Variants in COMMD1 observed in about 807,000 individuals in gnomAD.
The protein encoded by COMMD1 is COMM domain-containing protein 1.
A neutral mutation model predicts 17.2 loss-of-function variants in COMMD1; 10 were observed. The ratio of observed to expected loss-of-function variants is 0.58; its 90% confidence interval spans 0.36 to 0.99. The LOEUF is 0.99. Among genes scored for constraint, COMMD1 ranks in the 50% least tolerant of loss-of-function variants. COMMD1 has a pLI of 0.01. For synonymous variants in COMMD1, 97 were observed against 91.6 expected (o/e 1.06, Z -0.34); for missense variants, 270 against 231.8 (o/e 1.17, Z -1.07).
At chr2:61,923,807 C>T (rs1012752028) in intron 1 of COMMD1, among the ~76,000 whole-genome samples, 8 of 152,124 alleles carry the variant, frequency 5.3e-5, no homozygotes, top group Non-Finnish European at 1.0e-4. Context: ...CAAGGTCTGG[C>T]TCTATTGCCC....
At chr2:61,904,930 T>C (rs756552201), upstream of COMMD1, among the ~76,000 whole-genome samples, 7 of 152,238 alleles carry the variant, frequency 4.6e-5, no homozygotes, top group Non-Finnish European at 7.3e-5. Context: ...TAAATGGATG[T>C]CCAATATTTG....
At chr2:62,120,996 G>T (rs981804495) in intron 2 of COMMD1, among the ~76,000 whole-genome samples, 1 of 151,852 alleles carries the variant, frequency 6.6e-6, no homozygotes, top group African/African-American at 2.4e-5. Context: ...TACACACCTT[G>T]GCCTCCCAAA....
intron 2 of COMMD1, among the ~76,000 whole-genome samples, chr2:62,049,144 A>G (rs1670468060): frequency 6.6e-6 from 1 of 151,826 alleles, no homozygotes; most frequent in African/African-American, 2.4e-5. Flanking sequence ...TGGTATCTAC[A>G]TATTTTAACC....
chr2:61,950,176 T>C (rs1317400311), intron 1 of COMMD1, among the ~76,000 whole-genome samples: 1 of 152,090 alleles, frequency 6.6e-6, no homozygotes, highest in Non-Finnish European at 1.5e-5. Context: ...CCCCGAGATT[T>C]AGGGTCTGAC....
chr2:62,095,735 C>G (rs1671982547), intron 2 of COMMD1, among the ~76,000 whole-genome samples: 1 of 139,544 alleles, frequency 7.2e-6, no homozygotes, highest in African/African-American at 2.8e-5. Flanking sequence ...AAAGGATAAT[C>G]ACCAGATCAG....
chr2:62,072,005 T>A lies in COMMD1; in HGVS notation c.463-63826T>A, dbSNP rs564703228. 3.0e-4 allele frequency among the ~76,000 whole-genome samples: 46 copies of A among 152,176 alleles called. 1 individual carries two copies. The highest frequency in any genetic ancestry group is 9.9e-4 in the African/African-American group (41 of 41,540). ...AATCTTGTTAAATTGTTTTTTTTTT[T>A]AATTAACCCAGTATAATGTGGCTTA... On this transcript the variant is annotated intron_variant, in intron 2 of 2. Coordinates refer to ENST00000311832, the MANE Select transcript of COMMD1 (RefSeq NM_152516.4).
At chr2:61,929,464 C>A (rs1670409211) in intron 1 of COMMD1, among the ~76,000 whole-genome samples, 1 of 152,190 alleles carries the variant, frequency 6.6e-6, no homozygotes, top group African/African-American at 2.4e-5. Flanking sequence ...AGAGTCTCAG[C>A]AAATGGGCCT....
intron 2 of COMMD1, among the ~76,000 whole-genome samples, chr2:62,057,972 A>G (rs796766257): frequency 2.0e-5 from 3 of 152,136 alleles, no homozygotes; most frequent in East Asian, 3.9e-4. Context: ...GCATTTGAGC[A>G]TGGTTTATTT....
intron 2 of COMMD1, among the ~76,000 whole-genome samples, chr2:62,076,396 T>C (rs1671337562): frequency 6.6e-6 from 1 of 152,104 alleles, no homozygotes; most frequent in Non-Finnish European, 1.5e-5. Context: ...GCCTAAGCCT[T>C]GAAGAATAGG....
At chr2:61,980,762 C>A (rs1160949516) in intron 1 of COMMD1, among the ~76,000 whole-genome samples, 1 of 151,600 alleles carries the variant, frequency 6.6e-6, no homozygotes, top group African/African-American at 2.4e-5. Flanking sequence ...AATTAGATCC[C>A]ATTTGTCAAT....
chr2:62,074,289 T>G (rs1025192144), intron 2 of COMMD1, among the ~76,000 whole-genome samples: 1 of 152,230 alleles, frequency 6.6e-6, no homozygotes. Context: ...TCAGCTCTCC[T>G]CTGTCCCGAG....
chr2:62,036,448 G>A (rs1406396494), intron 2 of COMMD1, among the ~76,000 whole-genome samples: 2 of 152,156 alleles, frequency 1.3e-5, no homozygotes, highest in Non-Finnish European at 2.9e-5. Context: ...ATTCCAGTTT[G>A]CTGTTCTTTT....
chr2:61,960,075 G>A (rs923512870), intron 1 of COMMD1, among the ~76,000 whole-genome samples: 1 of 152,140 alleles, frequency 6.6e-6, no homozygotes, highest in Non-Finnish European at 1.5e-5. Flanking sequence ...TTTTGTCCAG[G>A]CGTGCCAGAG....
chr2:61,960,630 GT>G (rs1194737031), intron 1 of COMMD1, among the ~76,000 whole-genome samples: 2 of 152,192 alleles, frequency 1.3e-5, no homozygotes, highest in Non-Finnish European at 2.9e-5. Flanking sequence ...ACAGCACTGG[GT>G]TTTAATCATT....
rs552349037 is a variant in COMMD1 at position 61,900,025 on chromosome 2, G to T, written n.119+11183G>T. Among the ~76,000 whole-genome samples, 3 of 152,282 alleles carry T rather than the reference G, an allele frequency of 2.0e-5. No individual in the cohort carries two copies. The East Asian group carries it at 5.8e-4, about 29-fold the overall frequency. On this transcript the variant is annotated intron_variant and non_coding_transcript_variant, in intron 1 of 2. Coordinates refer to the COMMD1 transcript ENST00000472729. ...ATGTATTTCTTGTGAAGGTTAATTA[G>T]AGCTGGGAGTACTCAGGAGTTCTTA...
At chr2:61,938,436 G>T (rs1670656432) in intron 1 of COMMD1, among the ~76,000 whole-genome samples, 1 of 152,164 alleles carries the variant, frequency 6.6e-6, no homozygotes, top group Non-Finnish European at 1.5e-5. Context: ...TGGAAAGTCT[G>T]CCCTAAAGGA....
chr2:62,134,957 C>A (rs1673150391), intron 2 of COMMD1, among the ~76,000 whole-genome samples: 1 of 152,158 alleles, frequency 6.6e-6, no homozygotes, highest in South Asian at 2.1e-4. Flanking sequence ...GCTCATGTTT[C>A]CCAAGCAACT....
intron 1 of COMMD1, among the ~76,000 whole-genome samples, chr2:61,913,720 C>T (rs1208176287): frequency 1.5e-4 from 21 of 142,396 alleles, no homozygotes; most frequent in Admixed American, 2.3e-4. Flanking sequence ...GGCATGAACC[C>T]GGGAGGCAGA....
At chr2:61,947,458 G>A (rs942723946) in intron 1 of COMMD1, among the ~76,000 whole-genome samples, 2 of 151,998 alleles carry the variant, frequency 1.3e-5, no homozygotes, top group Non-Finnish European at 2.9e-5. Context: ...TGAGGTGGGC[G>A]GATCGCCTGA....
Sources: gnomAD v4.1 joint callset for allele counts (sites outside exome capture counted in the v4.1 genomes callset) on GRCh38, gnomAD v4.1.1 for gene constraint, MANE v1.5 for transcripts, NCBI Gene and HGNC (gene_info 2026-07-23, HGNC 2026-07-21) for gene names.